The following ZNF644 variants were observed in gnomAD, a reference collection of about 807,000 sequenced individuals.
ZNF644 encodes zinc finger protein 644.
A neutral mutation model predicts 108.0 loss-of-function variants in ZNF644; 20 were observed. The ratio of observed to expected loss-of-function variants is 0.19; its 90% CI spans 0.13 to 0.27. ZNF644 has a LOEUF of 0.27. ZNF644 is among the 10% of genes least tolerant of loss of function. ZNF644 has a pLI of 1.00. For missense variants in ZNF644, 1,338 were observed against 1,548.9 expected (o/e 0.86, Z 2.29); for synonymous variants, 542 against 539.1 (o/e 1.01, Z -0.08).
chr1:90,974,787 A>G (rs891463827), intron 2 of ZNF644, among the ~76,000 whole-genome samples: 1 of 152,196 alleles, frequency 6.6e-6, no homozygotes, highest in Admixed American at 6.5e-5. Context: ...TTCATTTGCT[A>G]AAACAGATAG....
rs1648731908 is a variant in ZNF644 at position 90,916,088 on chromosome 1, T to C, written c.*710A>G. 1 of 152,622 alleles carries C rather than the reference T, an allele frequency of 6.6e-6. No individual in the cohort carries two copies. The highest frequency in any genetic ancestry group is 2.4e-5 in the African/African-American group (1 of 41,462). 9.5% of individuals were successfully genotyped at this position (152,622 alleles called of 1,614,324 possible). A position where few individuals can be genotyped will look rare whatever the true frequency, so the allele number is the denominator to read the frequency against. ...TTGACAAAGTAGGAGGTAGCATGGA[T>C]GCACCACTTTATTGTCTGAGAAATG... On this transcript the variant is annotated 3_prime_UTR_variant, in exon 6 of 6. Coordinates refer to ENST00000337393, the MANE Select transcript of ZNF644 (RefSeq NM_201269.3).
chr1:90,977,258 G>T (rs994852372), intron 2 of ZNF644, among the ~76,000 whole-genome samples: 1 of 151,912 alleles, frequency 6.6e-6, no homozygotes, highest in Non-Finnish European at 1.5e-5. Flanking sequence ...TTTATTTACA[G>T]GCTATGCTGA....
At chr1:90,930,509 A>G (rs1650610639) in intron 4 of ZNF644, among the ~76,000 whole-genome samples, 1 of 152,198 alleles carries the variant, frequency 6.6e-6, no homozygotes, top group Admixed American at 6.5e-5. Flanking sequence ...ATGACATCTA[A>G]GATACTACTA....
intron 2 of ZNF644, among the ~76,000 whole-genome samples, chr1:90,974,876 C>A (rs1019992102): frequency 3.3e-5 from 5 of 152,214 alleles, no homozygotes; most frequent in African/African-American, 1.2e-4. Context: ...CTTACTCTCT[C>A]GTCTAATCTC....
intron 1 of ZNF644, among the ~76,000 whole-genome samples, chr1:90,998,568 C>A (rs1233848316): frequency 6.6e-6 from 1 of 152,112 alleles, no homozygotes; most frequent in Admixed American, 6.5e-5. Flanking sequence ...TCATCAAGGA[C>A]CAAAGGTAGA....
intron 2 of ZNF644, among the ~76,000 whole-genome samples, chr1:90,952,620 T>A (rs1557591268): frequency 6.6e-6 from 1 of 151,836 alleles, no homozygotes; most frequent in Non-Finnish European, 1.5e-5. Flanking sequence ...AAAGAGATAA[T>A]TAGTGAACTA....
chr1:90,955,074 C>G (rs1395893338), intron 2 of ZNF644, among the ~76,000 whole-genome samples: 1 of 152,188 alleles, frequency 6.6e-6, no homozygotes, highest in Non-Finnish European at 1.5e-5. Flanking sequence ...CAACATTCAT[C>G]TTGTACATCT....
chr1:91,014,061 T>C (rs1660214023), intron 1 of ZNF644, among the ~76,000 whole-genome samples: 1 of 152,070 alleles, frequency 6.6e-6, no homozygotes, highest in Non-Finnish European at 1.5e-5. Flanking sequence ...CTTCTTCTTC[T>C]TAAACTGATA....
At chr1:90,962,297 A>C (rs1448739524) in intron 2 of ZNF644, among the ~76,000 whole-genome samples, 1 of 152,018 alleles carries the variant, frequency 6.6e-6, no homozygotes, top group Non-Finnish European at 1.5e-5. Flanking sequence ...TTGGTGCTTT[A>C]GATAGACAAA....
chr1:90,932,278 C>A (rs556126970), intron 4 of ZNF644, among the ~76,000 whole-genome samples: 1 of 152,168 alleles, frequency 6.6e-6, no homozygotes, highest in Non-Finnish European at 1.5e-5. Flanking sequence ...AAAAGCAGGC[C>A]TTTACCATTT....
intron 2 of ZNF644, among the ~76,000 whole-genome samples, chr1:90,964,594 T>C (rs12026499): frequency 2.6e-5 from 4 of 152,268 alleles, no homozygotes; most frequent in East Asian, 1.9e-4. Flanking sequence ...TAGAACAGTA[T>C]AGTTAATTGC....
In ZNF644 at chr1:90,939,222, A is replaced by G; in HGVS notation, c.2132T>C (p.Ile711Thr). Residue 711 changes from isoleucine to threonine, a missense_variant, in exon 3 of 6, where the codon ATT becomes ACT. This residue lies in a region of ZNF644 where 462 missense variants were observed against 472.6 expected (regional missense o/e 0.98). Transcript: ENST00000337393. The stretch of plus-strand genomic sequence containing the variant: ...AGGTTTTTGGTCAACGCTGCTTTTA[A>G]TTGTAACATTCTTATGAGGAGAGCT... ...QNSSPHKNVTIKSSVDQKPKY... is the reference protein window; with the variant it reads ...QNSSPHKNVTTKSSVDQKPKY... The G allele has an allele frequency of 3.1e-6, 5 of 1,613,972 alleles. No homozygotes were observed. Among genetic ancestry groups the G allele is most frequent in the Non-Finnish European group, 3.4e-6 (4 of 1,179,920 alleles).
chr1:91,007,335 A>C (rs1043962832), intron 1 of ZNF644, among the ~76,000 whole-genome samples: 2 of 145,460 alleles, frequency 1.4e-5, no homozygotes, highest in African/African-American at 5.2e-5. Context: ...TCCCAGGTTC[A>C]AGCGATTTGC....
chr1:90,935,616 A>G (rs1222183983), intron 4 of ZNF644: 2 of 924,594 alleles, frequency 2.2e-6, no homozygotes, highest in Non-Finnish European at 2.6e-6. Flanking sequence ...AAGCACCACA[A>G]TAAAGATGGT....
At chr1:90,951,470 G>GT (rs772232989) in intron 2 of ZNF644, among the ~76,000 whole-genome samples, 4 of 152,002 alleles carry the variant, frequency 2.6e-5, no homozygotes, top group East Asian at 1.9e-4. Flanking sequence ...CTCTACTAGC[G>GT]TAAGGCCTTA....
chr1:90,998,515 G>C (rs528579790), intron 1 of ZNF644, among the ~76,000 whole-genome samples: 2 of 152,298 alleles, frequency 1.3e-5, no homozygotes, highest in East Asian at 3.9e-4. Context: ...CTAACAAACA[G>C]AAAGGACATC....
chr1:90,938,197 T>C lies in ZNF644; in HGVS notation c.3082+75A>G. ...AATTATGATTCTAATAAAGACTAAA[T>C]TCAAAAAAAACTTTTAAATCTTCAG... is the stretch of plus-strand genomic sequence containing the variant. On this transcript the variant is annotated intron_variant, in intron 3 of 5. Coordinates refer to ENST00000337393, the MANE Select transcript of ZNF644 (RefSeq NM_201269.3). This position sits in a 1 kb window ranked among gnomAD's most constrained non-coding sequence, Gnocchi z 4.2. The C allele has an allele frequency of 6.2e-7, 1 of 1,610,974 alleles. No individual in the cohort carries two copies. Among genetic ancestry groups the C allele is most frequent in the East Asian group, 2.2e-5 (1 of 44,850 alleles).
At chr1:91,014,045 T>TTTC (rs201630519) in intron 1 of ZNF644, among the ~76,000 whole-genome samples, 1 of 152,240 alleles carries the variant, frequency 6.6e-6, no homozygotes, top group African/African-American at 2.4e-5. Context: ...AAATTACCTT[T>TTTC]TTCTTCTTCT....
intron 1 of ZNF644, among the ~76,000 whole-genome samples, chr1:90,994,819 A>G (rs1657992027): frequency 3.9e-5 from 6 of 152,206 alleles, no homozygotes; most frequent in Admixed American, 2.0e-4. Flanking sequence ...GTAACAACCA[A>G]CTTACTCAGA....
Sources: gnomAD v4.1 joint callset for allele counts (sites outside exome capture counted in the v4.1 genomes callset) on GRCh38, gnomAD v4.1.1 for gene constraint, gnomAD v4.1.1 regional missense constraint, Gnocchi (gnomAD v3.1) non-coding constraint, MANE v1.5 for transcripts, NCBI Gene and HGNC (gene_info 2026-07-23, HGNC 2026-07-21) for gene names.